The following SECISBP2L variants were observed in gnomAD, a reference collection of about 807,000 sequenced individuals.
SECISBP2L encodes selenocysteine insertion sequence-binding protein 2-like.
SECISBP2L carries 43 observed loss-of-function variants against 114.7 expected under a neutral mutation model. That is an observed-to-expected ratio of 0.38 (90% CI 0.29 to 0.48). The LOEUF is 0.48. Among genes scored for constraint, SECISBP2L ranks in the 20% least tolerant of loss-of-function variants. SECISBP2L has a pLI of 0.98. For synonymous variants in SECISBP2L, 451 were observed against 439.7 expected, an observed-to-expected ratio of 1.03 and a Z score of -0.32; for missense variants, 1,136 against 1,301.1, an observed-to-expected ratio of 0.87 and a Z score of 1.95.
rs118008185 is a variant in SECISBP2L at position 49,024,979 on chromosome 15, G to A, written c.1035+2386C>T. Among the ~76,000 whole-genome samples, 114 of 152,220 alleles carry A rather than the reference G, an allele frequency of 7.5e-4. 1 individual carries two copies. In the East Asian group the frequency reaches 0.015, roughly 20 times the overall value. ...AAGAGATAAAATGTTTTTCATCTCA[G>A]TATTATTTCCTCTCTAGTGAGCTAC... On this transcript the variant is annotated intron_variant, in intron 7 of 17. Transcript: ENST00000559471.
At chr15:49,001,650 CCCCT>C (rs1902212542) in intron 14 of SECISBP2L, 1 of 152,572 alleles carries the variant, frequency 6.6e-6, no homozygotes, top group African/African-American at 2.4e-5. Context: ...GTGTGATGTT[CCCCT>C]CCCTGTGTCC....
intron 7 of SECISBP2L, among the ~76,000 whole-genome samples, chr15:49,024,010 C>T (rs917079181): frequency 3.3e-5 from 5 of 152,010 alleles, no homozygotes; most frequent in East Asian, 1.9e-4. Flanking sequence ...AAAATAAAGC[C>T]GTTTTAAAAG....
At chr15:49,040,527 C>CTTTT (rs66527715) in intron 1 of SECISBP2L, among the ~76,000 whole-genome samples, 2,478 of 63,192 alleles carry the variant, frequency 0.039, 660 homozygotes, top group Non-Finnish European at 0.043. Context: ...CCAAACTATT[C>CTTTT]TTTTTTTTTT....
chr15:49,027,311 C>T, intron 7 of SECISBP2L, 54 bp downstream of exon 7: 1 of 1,302,042 alleles, frequency 7.7e-7, no homozygotes, highest in Non-Finnish European at 1.1e-6. Flanking sequence ...ACTAACAAAT[C>T]TAAAATGACT....
intron 13 of SECISBP2L, among the ~76,000 whole-genome samples, chr15:49,010,154 C>CACACACACACACACACACA (rs3220511): frequency 2.8e-4 from 42 of 149,936 alleles, no homozygotes; most frequent in South Asian, 6.3e-4. Flanking sequence ...CACACACACA[C>CACACACACACACACACACA]CCCTCTTGCC....
intron 6 of SECISBP2L, among the ~76,000 whole-genome samples, chr15:49,027,904 C>G (rs78523690): frequency 6.6e-6 from 1 of 152,166 alleles, no homozygotes; most frequent in Non-Finnish European, 1.5e-5. Flanking sequence ...CCACCTTACC[C>G]GGCCCTATAA....
chr15:49,028,236 T>C, intron 5 of SECISBP2L, 68 bp from the exon 6 acceptor site: 1 of 1,370,900 alleles, frequency 7.3e-7, no homozygotes, highest in Non-Finnish European at 1.0e-6. Context: ...TTGCTAAATG[T>C]TTTATAATTT....
At position 48,994,510 on chromosome 15, in the gene SECISBP2L, C is replaced by T. The variant is rs1029865049; in HGVS notation, c.2624-1584G>A. Among the ~76,000 whole-genome samples the T allele has an allele frequency of 7.9e-5, 12 of 152,164 alleles. 1 individual carries two copies. The highest frequency in any genetic ancestry group is 3.3e-4 in the Admixed American group (5 of 15,280). ...CTGGTCCTACTGCCTTCTGACCCTG[C>T]GCCATAGGCCACACACTCCATGCTC... On this transcript the variant is annotated intron_variant, in intron 17 of 17. Coordinates refer to ENST00000559471, the MANE Select transcript of SECISBP2L (RefSeq NM_001193489.2).
chr15:48,994,827 A>G (rs1902053508), intron 17 of SECISBP2L, among the ~76,000 whole-genome samples: 1 of 127,798 alleles, frequency 7.8e-6, no homozygotes, highest in South Asian at 2.8e-4. Context: ...TGACTGGTAT[A>G]TAGTAAGTGC....
In SECISBP2L at chr15:49,037,579, TAAAC is replaced by T. The variant is rs775784636; in HGVS notation, c.203+8_203+11del. The T allele has an allele frequency of 5.0e-6, 8 of 1,607,842 alleles. No homozygotes were observed. Among genetic ancestry groups the T allele is most frequent in the Middle Eastern group, 1.7e-4 (1 of 6,038 alleles). ...ACCCCCACAAAAAAGAAAATAAAAATAAACAAATTACCTATTGGACTGGTTTTCC... is the reference window on the plus strand; with the variant it reads ...ACCCCCACAAAAAAGAAAATAAAAATAAATTACCTATTGGACTGGTTTTCC... On this transcript the variant is annotated splice_region_variant and intron_variant, in intron 2 of 17. Transcript: ENST00000559471.
chr15:49,019,619 A>G, intron 7 of SECISBP2L, 67 bp from the exon 8 acceptor site: 1 of 1,259,706 alleles, frequency 7.9e-7, no homozygotes, highest in Non-Finnish European at 1.0e-6. Context: ...TCAAATATAT[A>G]ACATACTGGC....
chr15:48,996,340 C>G (rs376408234), intron 17 of SECISBP2L, 27 bp downstream of exon 17: 1 of 1,566,676 alleles, frequency 6.4e-7, no homozygotes, highest in African/African-American at 1.4e-5. Context: ...TGGTTTAAGT[C>G]ATTTAAAATA....
At chr15:49,009,180 A>C in intron 14 of SECISBP2L, 36 bp downstream of exon 14, 1 of 1,600,556 alleles carries the variant, frequency 6.2e-7, no homozygotes, top group South Asian at 1.1e-5. Flanking sequence ...CAAGATCCTT[A>C]AACTATTCAA....
chr15:49,021,845 A>G (rs1225092602), intron 7 of SECISBP2L, among the ~76,000 whole-genome samples: 5 of 152,220 alleles, frequency 3.3e-5, no homozygotes, highest in African/African-American at 1.2e-4. Context: ...TGAATGAATC[A>G]ATAACCTCAG....
chr15:49,034,882 C>T (rs1902973680), intron 3 of SECISBP2L, among the ~76,000 whole-genome samples: 1 of 151,924 alleles, frequency 6.6e-6, no homozygotes, highest in Admixed American at 6.6e-5. Flanking sequence ...AGACTGGTCT[C>T]AAACTCTTGG....
chr15:49,042,214 T>C (rs1332732148), intron 1 of SECISBP2L: 2 of 152,266 alleles, frequency 1.3e-5, no homozygotes, highest in African/African-American at 4.8e-5. Flanking sequence ...CTTCTTGCCT[T>C]GGATGCTTAA....
rs573237464 is a variant in SECISBP2L at position 49,027,397 on chromosome 15, C to T, written c.1003G>A (p.Gly335Arg). The T allele has an allele frequency of 1.1e-5, 17 of 1,610,578 alleles. No homozygotes were observed. The South Asian group carries it at 1.7e-4, about 16-fold the overall frequency. Reference sequence around the variant, plus strand: ...TTATTTCTTTGTTCAGTTTGCCTTCCACCTCTAGAAAATGTCTGATTTTTT... The same window carrying T: ...TTATTTCTTTGTTCAGTTTGCCTTCTACCTCTAGAAAATGTCTGATTTTTT... ...MEKNQTFSRG[G>R]RQTEQRNNSQ... The change falls in exon 7 of 18, where the codon GGA becomes AGA. Residue 335 changes from glycine (G) to arginine (R), a missense_variant. Around this residue, in one of 2 missense-constraint regions of SECISBP2L, gnomAD observed 452 missense variants for 452.3 expected, o/e 1.00. Coordinates refer to ENST00000559471, the MANE Select transcript of SECISBP2L (RefSeq NM_001193489.2).
intron 17 of SECISBP2L, among the ~76,000 whole-genome samples, chr15:48,995,026 G>A (rs1038939491): frequency 6.6e-6 from 1 of 151,750 alleles, no homozygotes. Flanking sequence ...AAACCTTTAG[G>A]CAGAGTATAG....
chr15:49,011,692 A>G (rs1902439095), intron 13 of SECISBP2L, 39 bp downstream of exon 13: 2 of 1,610,116 alleles, frequency 1.2e-6, no homozygotes, highest in South Asian at 1.1e-5. Context: ...AATATTTCAG[A>G]CCATTCCATG....
Sources: gnomAD v4.1 joint callset for allele counts (sites outside exome capture counted in the v4.1 genomes callset) on GRCh38, gnomAD v4.1.1 for gene constraint, gnomAD v4.1.1 regional missense constraint, MANE v1.5 for transcripts, NCBI Gene and HGNC (gene_info 2026-07-23, HGNC 2026-07-21) for gene names.